Variants in CUX2 observed in about 807,000 individuals in gnomAD.
CUX2 encodes the protein cut like homeobox 2.
Under a neutral mutation model 144.8 loss-of-function variants are expected in CUX2, and 40 were observed. That is an observed-to-expected ratio of 0.28 (90% confidence interval 0.21 to 0.36). The LOEUF (loss-of-function observed/expected upper bound fraction) is 0.36, where lower values mean the gene tolerates loss of function less well. Among genes scored for constraint, CUX2 ranks in the 10% least tolerant of loss-of-function variants. CUX2 has a pLI of 1.00. For synonymous variants in CUX2, 827 were observed against 875.6 expected (o/e 0.94, Z 0.98); for missense variants, 1,615 against 1,994.0 (o/e 0.81, Z 3.62).
intron 1 of CUX2, among the ~76,000 whole-genome samples, chr12:111,116,161 A>G (rs1381594892): frequency 6.6e-6 from 1 of 152,240 alleles, no homozygotes; most frequent in South Asian, 2.1e-4. Flanking sequence ...AAATGAAATT[A>G]TACATCTACA....
In CUX2 at chr12:111,214,198, A is replaced by G; in HGVS notation, c.64-2A>G. ...CTTTTTTTTTTTTTTTTATTGTTCC[A>G]GAAGGAGCTTAATTCCGTCGCTTCT... On this transcript the variant is annotated splice_acceptor_variant, in intron 1 of 21. Transcript: ENST00000261726. LOFTEE classifies it high-confidence loss of function. The G allele has an allele frequency of 1.4e-6, 2 of 1,440,524 alleles. No homozygotes were observed. Among genetic ancestry groups the G allele is most frequent in the Non-Finnish European group, 9.3e-7 (1 of 1,072,336 alleles). 89.2% of individuals were successfully genotyped at this position (1,440,524 alleles called of 1,614,324 possible). A position where few individuals can be genotyped will look rare whatever the true frequency, so the allele number is the denominator to read the frequency against.
At chr12:111,055,047 C>T (rs905405503) in intron 1 of CUX2, among the ~76,000 whole-genome samples, 1 of 152,354 alleles carries the variant, frequency 6.6e-6, no homozygotes, top group South Asian at 2.1e-4. Context: ...CATGTTCGTA[C>T]GCTCTCCTGT....
intron 1 of CUX2, among the ~76,000 whole-genome samples, chr12:111,079,639 C>A (rs1871756974): frequency 6.6e-6 from 1 of 152,222 alleles, no homozygotes; most frequent in Admixed American, 6.5e-5. Flanking sequence ...CCCCCATGCT[C>A]TGCTCTAAGA....
intron 1 of CUX2, among the ~76,000 whole-genome samples, chr12:111,213,250 G>A (rs771353420): frequency 7.2e-5 from 11 of 152,156 alleles, no homozygotes; most frequent in Non-Finnish European, 1.3e-4. Flanking sequence ...GGAAGCAGCC[G>A]ACCACATAAA....
chr12:111,236,697 A>G (rs1236504390), intron 3 of CUX2, among the ~76,000 whole-genome samples: 1 of 152,220 alleles, frequency 6.6e-6, no homozygotes, highest in Non-Finnish European at 1.5e-5. Flanking sequence ...TAAATAATAC[A>G]TCGAGAGGCA....
intron 1 of CUX2, among the ~76,000 whole-genome samples, chr12:111,138,053 G>T (rs1876032191): frequency 6.6e-6 from 1 of 152,212 alleles, no homozygotes; most frequent in African/African-American, 2.4e-5. Flanking sequence ...CTGCTGAAAA[G>T]GTGGGGTCTC....
intron 1 of CUX2, among the ~76,000 whole-genome samples, chr12:111,086,550 A>G (rs1409298307): frequency 6.6e-6 from 1 of 152,218 alleles, no homozygotes; most frequent in Non-Finnish European, 1.5e-5. Context: ...AAAGACACTT[A>G]ACATCACAGA....
At chr12:111,226,763 G>T (rs553222769) in intron 3 of CUX2, among the ~76,000 whole-genome samples, 1 of 152,360 alleles carries the variant, frequency 6.6e-6, no homozygotes, top group African/African-American at 2.4e-5. Flanking sequence ...CAGAGGAATG[G>T]GCTGGCGTCT....
chr12:111,303,215 T>C lies in CUX2; in HGVS notation c.754-995T>C, dbSNP rs1317568039. 1.7e-4 allele frequency among the ~76,000 whole-genome samples: 15 copies of C among 89,992 alleles called. No individual in the cohort carries two copies. In the East Asian group the frequency reaches 1.9e-3, roughly 11 times the overall value. The allele number at this position is 89,992 out of a possible 152,430, so 59.0% of individuals were successfully genotyped here. A position where few individuals can be genotyped will look rare whatever the true frequency, so the allele number is the denominator to read the frequency against. ...CAGCCTGGGTGACAGAGCGAGACCCTGTCTCGAAAAAAAAAAAAAAAAAAA... is the reference window on the plus strand; with the variant it reads ...CAGCCTGGGTGACAGAGCGAGACCCCGTCTCGAAAAAAAAAAAAAAAAAAA... On this transcript the variant is annotated intron_variant, in intron 9 of 21. Transcript: ENST00000261726.
rs1452788817 is a variant in CUX2 at position 111,295,523 on chromosome 12, G to A, written c.637+114G>A. The A allele has an allele frequency of 2.3e-6, 2 of 856,176 alleles. No homozygotes were observed. The highest frequency in any genetic ancestry group is 1.7e-5 in the African/African-American group (1 of 57,856). 53.0% of individuals were successfully genotyped at this position (856,176 alleles called of 1,614,324 possible). On this transcript the variant is annotated intron_variant, in intron 7 of 21. Coordinates refer to ENST00000261726, the MANE Select transcript of CUX2 (RefSeq NM_015267.4). The surrounding 1 kb of genome is among the most constrained non-coding windows in gnomAD (Gnocchi z 5.0). ...ATCCAGGTGTTTTAGAATCAAGAGG[G>A]CAAAATGGGAGTTTGGGAAGAATAA...
intron 3 of CUX2, among the ~76,000 whole-genome samples, chr12:111,220,840 G>T (rs932564354): frequency 6.7e-6 from 1 of 150,076 alleles, no homozygotes; most frequent in Non-Finnish European, 1.5e-5. Context: ...GGAGGCTGAG[G>T]TGGGAGGATC....
intron 4 of CUX2, among the ~76,000 whole-genome samples, chr12:111,276,639 GTTTGTTTGT>G (rs1387520781): frequency 3.4e-5 from 5 of 148,608 alleles, no homozygotes; most frequent in African/African-American, 1.0e-4. Flanking sequence ...TTGTTTGTTT[GTTTGTTTGT>G]TTTGTTTTGT....
In CUX2 at chr12:111,322,615, G is replaced by A. The variant is rs1329265128; in HGVS notation, c.2926+35G>A. Reference sequence around the variant, plus strand: ...GGCAGGAGCATCTCAGGGGGTGCTGGCAAACTTCCCACCTGCGCAGTGGCA... The same window carrying A: ...GGCAGGAGCATCTCAGGGGGTGCTGACAAACTTCCCACCTGCGCAGTGGCA... On this transcript the variant is annotated intron_variant, in intron 18 of 21. Coordinates refer to ENST00000261726, the MANE Select transcript of CUX2 (RefSeq NM_015267.4). This position sits in a 1 kb window ranked among gnomAD's most constrained non-coding sequence, Gnocchi z 4.2. 9 of 1,595,186 alleles carry A rather than the reference G, an allele frequency of 5.6e-6. No homozygotes were observed. The highest frequency in any genetic ancestry group is 1.7e-5 in the Admixed American group (1 of 58,812).
At chr12:111,261,213 G>A (rs148099537) in intron 3 of CUX2, among the ~76,000 whole-genome samples, 454 of 152,340 alleles carry the variant, frequency 3.0e-3, no homozygotes, top group African/African-American at 0.01. Flanking sequence ...CAAGTGGCTT[G>A]ACGTCCTTGA....
chr12:111,052,244 G>A (rs1272960376), intron 1 of CUX2, among the ~76,000 whole-genome samples: 1 of 152,016 alleles, frequency 6.6e-6, no homozygotes, highest in East Asian at 1.9e-4. Context: ...ACCTTGTATG[G>A]CCCCATGAGG....
intron 1 of CUX2, among the ~76,000 whole-genome samples, chr12:111,130,109 C>T (rs1311196754): frequency 4.6e-5 from 7 of 152,090 alleles, no homozygotes; most frequent in African/African-American, 1.7e-4. Flanking sequence ...CTGCAGGTTC[C>T]TTTGTGGGGG....
At chr12:111,048,221 G>A (rs1472228727) in intron 1 of CUX2, among the ~76,000 whole-genome samples, 5 of 152,350 alleles carry the variant, frequency 3.3e-5, no homozygotes, top group African/African-American at 7.2e-5. Flanking sequence ...TTTGGCTCCC[G>A]CTGGGTTCAG....
chr12:111,252,872 G>A (rs1380441198), intron 3 of CUX2, among the ~76,000 whole-genome samples: 1 of 151,260 alleles, frequency 6.6e-6, no homozygotes, highest in Non-Finnish European at 1.5e-5. Context: ...GACCAGTGTG[G>A]GCAACATAGG....
chr12:111,238,557 C>A (rs1882872437), intron 3 of CUX2, among the ~76,000 whole-genome samples: 1 of 152,208 alleles, frequency 6.6e-6, no homozygotes, highest in East Asian at 1.9e-4. Context: ...CAGCTGGTGG[C>A]ATGTGGCAGA....
Sources: gnomAD v4.1 joint callset for allele counts (sites outside exome capture counted in the v4.1 genomes callset) on GRCh38, gnomAD v4.1.1 for gene constraint, Gnocchi (gnomAD v3.1) non-coding constraint, MANE v1.5 for transcripts, NCBI Gene and HGNC (gene_info 2026-07-23, HGNC 2026-07-21) for gene names.